ADAP2: variants seen among roughly 807,000 people sequenced by gnomAD.
ADAP2 encodes arf-GAP with dual PH domain-containing protein 2.
ADAP2 carries 42 observed loss-of-function variants against 54.9 expected under a neutral mutation model. That is an observed-to-expected ratio of 0.77 (90% confidence interval 0.60 to 0.99). The LOEUF is 0.99. Ranked by LOEUF, ADAP2 falls within the 50% of genes least tolerant of loss-of-function variation. ADAP2 has a pLI of 0.00. For missense variants in ADAP2, 429 were observed against 480.4 expected (o/e 0.89, Z 1.00); for synonymous variants, 177 against 180.1 (o/e 0.98, Z 0.14).
In ADAP2 at chr17:30,934,315, T is replaced by C. The variant is rs780452035; in HGVS notation, c.510+18T>C. ...AGGAACAGGTAAGATGCCAGACCAA[T>C]GAGAGCAGGTCCCTTCCTGAGCACT... On this transcript the variant is annotated intron_variant, in intron 5 of 10. Coordinates refer to ENST00000330889, the MANE Select transcript of ADAP2 (RefSeq NM_018404.3). 1 of 1,562,588 alleles carries C rather than the reference T, an allele frequency of 6.4e-7. No homozygotes were observed. The highest frequency in any genetic ancestry group is 8.8e-7 in the Non-Finnish European group (1 of 1,134,728).
At chr17:30,935,851 A>C (rs935775000) in intron 5 of ADAP2, among the ~76,000 whole-genome samples, 2 of 152,144 alleles carry the variant, frequency 1.3e-5, no homozygotes. Flanking sequence ...GAGGGAGATG[A>C]AGTCACATGG....
intron 8 of ADAP2, 124 bp downstream of exon 8, chr17:30,953,474 GC>G: frequency 1.1e-6 from 1 of 929,632 alleles, no homozygotes; most frequent in Non-Finnish European, 1.7e-6. Context: ...CCAACCCACA[GC>G]CCATGGGCCA....
chr17:30,943,782 G>A (rs1191811515), intron 5 of ADAP2, among the ~76,000 whole-genome samples: 1 of 151,888 alleles, frequency 6.6e-6, no homozygotes, highest in Non-Finnish European at 1.5e-5. Flanking sequence ...GGGAGGCAGA[G>A]GTTGCAGTGA....
chr17:30,954,504 G>C lies in ADAP2; in HGVS notation c.831G>C (p.Trp277Cys). 4.3e-6 allele frequency: 7 copies of C among 1,614,172 alleles called. No homozygotes were observed. The highest frequency in any genetic ancestry group is 5.9e-6 in the Non-Finnish European group (7 of 1,180,004). ...PKQKEPFKKR[W>C]FALDCHERRL... ...AGAAAGAACCTTTCAAGAAAAGGTG[G>C]TTCGCCCTGGATTGCCATGAGCGGA... Residue 277 changes from tryptophan (W) to cysteine (C), a missense_variant, in exon 9 of 11, where the codon TGG becomes TGC. Physicochemically the swap from Trp to Cys is radical, Grantham distance 215. Transcript: ENST00000330889.
At chr17:30,949,642 G>T (rs1490548095) in intron 7 of ADAP2, among the ~76,000 whole-genome samples, 1 of 152,026 alleles carries the variant, frequency 6.6e-6, no homozygotes, top group Non-Finnish European at 1.5e-5. Flanking sequence ...CCAGCTACTT[G>T]GGAGGCTGAG....
chr17:30,932,008 AT>A, intron 4 of ADAP2, 40 bp downstream of exon 4: 1 of 1,587,056 alleles, frequency 6.3e-7, no homozygotes, highest in Non-Finnish European at 8.6e-7. Flanking sequence ...CTATGTTTTA[AT>A]GAGCTCTAGA....
At chr17:30,926,780 C>A in intron 2 of ADAP2, 47 bp from the exon 3 acceptor site, 2 of 1,544,880 alleles carry the variant, frequency 1.3e-6, no homozygotes, top group Non-Finnish European at 1.8e-6. Context: ...TTTCATTTCA[C>A]GTTTTTTCAA....
intron 3 of ADAP2, 139 bp from the exon 4 acceptor site, chr17:30,931,750 G>T: frequency 1.7e-6 from 1 of 574,912 alleles, no homozygotes; most frequent in Non-Finnish European, 3.1e-6. Flanking sequence ...GGGCCTAGGA[G>T]GTCTAGGCTG....
rs1356221971 is a variant in ADAP2 at position 30,922,011 on chromosome 17, G to C, written c.-4G>C. 2.4e-6 allele frequency: 3 copies of C among 1,274,950 alleles called. No homozygotes were observed. Among genetic ancestry groups the C allele is most frequent in the African/African-American group, 3.1e-5 (2 of 64,400 alleles). 79.0% of individuals were successfully genotyped at this position (1,274,950 alleles called of 1,614,324 possible). ...TGAGCCCCGCTGAGCCCGCCGGGCC[G>C]GCCATGGGCGATCGCGAGCGCAACA... On this transcript the variant is annotated 5_prime_UTR_variant, in exon 1 of 11. Coordinates refer to ENST00000330889, the MANE Select transcript of ADAP2 (RefSeq NM_018404.3).
chr17:30,933,708 C>G (rs1241357495), intron 4 of ADAP2, among the ~76,000 whole-genome samples: 1 of 152,184 alleles, frequency 6.6e-6, no homozygotes, highest in Non-Finnish European at 1.5e-5. Context: ...CCATGTTGGT[C>G]AGGCTGGTCT....
chr17:30,922,094 A>AT lies in ADAP2; in HGVS notation c.80_81insT (p.Cys28LeufsTer27), dbSNP rs1910650542. ...GACACAGGCAACGCGCACTGCGCCG[A>AT]CTGCGGGGCGGCAGGTAAGGGCGCG... On this transcript the variant is annotated frameshift_variant, in exon 1 of 11. Transcript: ENST00000330889. LOFTEE classifies it high-confidence loss of function. The AT allele has an allele frequency of 2.4e-6, 3 of 1,250,966 alleles. No individual in the cohort carries two copies. The highest frequency in any genetic ancestry group is 3.0e-6 in the Non-Finnish European group (3 of 999,796). The allele number at this position is 1,250,966 out of a possible 1,614,324, so 77.5% of individuals were successfully genotyped here.
At chr17:30,930,508 T>A (rs1911395870) in intron 3 of ADAP2, among the ~76,000 whole-genome samples, 1 of 152,180 alleles carries the variant, frequency 6.6e-6, no homozygotes, top group Admixed American at 6.5e-5. Flanking sequence ...TCTCTCATAC[T>A]CTCTCTGGCT....
Position 30,922,005 on chromosome 17 carries a change from C to G in ADAP2, c.-10C>G. 7.9e-7 allele frequency: 1 copy of G among 1,268,398 alleles called. No homozygotes were observed. Among genetic ancestry groups the G allele is most frequent in the South Asian group, 2.8e-5 (1 of 35,586 alleles). The allele number at this position is 1,268,398 out of a possible 1,614,324, so 78.6% of individuals were successfully genotyped here. ...ATGGGCTGAGCCCCGCTGAGCCCGCCGGGCCGGCCATGGGCGATCGCGAGC... is the reference window on the plus strand; with the variant it reads ...ATGGGCTGAGCCCCGCTGAGCCCGCGGGGCCGGCCATGGGCGATCGCGAGC... On this transcript the variant is annotated 5_prime_UTR_variant, in exon 1 of 11. Transcript: ENST00000330889.
intron 9 of ADAP2, among the ~76,000 whole-genome samples, chr17:30,954,805 T>G (rs1437710753): frequency 6.6e-6 from 1 of 152,128 alleles, no homozygotes; most frequent in East Asian, 1.9e-4. Context: ...TTAAATATGG[T>G]GTATCTCTTC....
At chr17:30,948,324 A>G (rs1444975115) in intron 6 of ADAP2, among the ~76,000 whole-genome samples, 12 of 152,088 alleles carry the variant, frequency 7.9e-5, no homozygotes, top group Admixed American at 7.9e-4. Context: ...CACGCCTGTA[A>G]TCCCAGCACT....
At chr17:30,929,744 T>A (rs2142516463) in intron 3 of ADAP2, among the ~76,000 whole-genome samples, 1 of 152,300 alleles carries the variant, frequency 6.6e-6, no homozygotes, top group South Asian at 2.1e-4. Flanking sequence ...TTGCCCAGGC[T>A]AGAGTTCAGT....
chr17:30,944,822 T>C, intron 5 of ADAP2, 85 bp from the exon 6 acceptor site: 1 of 1,339,384 alleles, frequency 7.5e-7, no homozygotes, highest in Non-Finnish European at 1.0e-6. Flanking sequence ...AGATTGATGC[T>C]TGTTTGCATG....
At chr17:30,951,783 G>C (rs1286770513) in intron 7 of ADAP2, among the ~76,000 whole-genome samples, 1 of 151,450 alleles carries the variant, frequency 6.6e-6, no homozygotes, top group East Asian at 2.0e-4. Flanking sequence ...AGCCTCCCGA[G>C]TAGCTGGGAC....
At chr17:30,931,826 CTCA>C in intron 3 of ADAP2, 60 bp from the exon 4 acceptor site, 1 of 1,166,848 alleles carries the variant, frequency 8.6e-7, no homozygotes, top group Non-Finnish European at 1.2e-6. Context: ...GAGACCCTGT[CTCA>C]AAAAAAAAAA....
Sources: allele counts gnomAD v4.1 joint callset (sites outside exome capture counted in the v4.1 genomes callset), GRCh38; gene constraint gnomAD v4.1.1; transcripts MANE v1.5; gene names NCBI Gene and HGNC (gene_info 2026-07-23, HGNC 2026-07-21).